DNAH3: variants seen among roughly 807,000 people sequenced by gnomAD.
DNAH3 encodes dynein axonemal heavy chain 3.
A neutral mutation model predicts 432.5 loss-of-function variants in DNAH3; 332 were observed. That is an observed-to-expected ratio of 0.77 (90% CI 0.70 to 0.84). The LOEUF (loss-of-function observed/expected upper bound fraction) is 0.84, where lower values mean the gene tolerates loss of function less well. Ranked by LOEUF, DNAH3 falls within the 40% of genes least tolerant of loss-of-function variation. DNAH3 has a pLI of 0.00. For missense variants in DNAH3, 4,861 were observed against 5,114.0 expected (o/e 0.95, Z 1.51); for synonymous variants, 1,956 against 1,900.2 (o/e 1.03, Z -0.76).
At chr16:21,048,364 G>C (rs2089804644) in intron 31 of DNAH3, among the ~76,000 whole-genome samples, 1 of 152,220 alleles carries the variant, frequency 6.6e-6, no homozygotes, top group African/African-American at 2.4e-5. Context: ...CCAGGTGCAG[G>C]ATATAATCTC....
At chr16:21,068,328 G>GC (rs2090649246) in intron 23 of DNAH3, among the ~76,000 whole-genome samples, 1 of 81,370 alleles carries the variant, frequency 1.2e-5, no homozygotes, top group East Asian at 9.6e-4. Flanking sequence ...TTTTGGGTGG[G>GC]GGGGGGGACA....
exon 15 of DNAH3, chr16:21,106,671 A>G: frequency 6.7e-7 from 1 of 1,486,204 alleles, no homozygotes; most frequent in Non-Finnish European, 9.1e-7. Flanking sequence ...ACTGATTACA[A>G]ATGCTACAGA....
chr16:21,064,876 T>C (rs1314272263), intron 24 of DNAH3, among the ~76,000 whole-genome samples: 1 of 150,120 alleles, frequency 6.7e-6, no homozygotes, highest in Non-Finnish European at 1.5e-5. Context: ...TGTGTGTGTG[T>C]GTGTGTGTGT....
At chr16:20,982,571 A>T in intron 49 of DNAH3, 150 bp downstream of exon 49, 2 of 619,028 alleles carry the variant, frequency 3.2e-6, no homozygotes, top group Non-Finnish European at 5.4e-6. Context: ...ATGCTTTATT[A>T]AATATCTAAC....
chr16:21,029,791 T>C (rs1165284698), intron 37 of DNAH3, among the ~76,000 whole-genome samples: 1 of 152,234 alleles, frequency 6.6e-6, no homozygotes, highest in East Asian at 1.9e-4. Context: ...TGAGCTGTGT[T>C]GTGTTGGGCA....
intron 24 of DNAH3, among the ~76,000 whole-genome samples, chr16:21,066,028 T>C (rs1444360207): frequency 6.6e-6 from 1 of 152,076 alleles, no homozygotes; most frequent in African/African-American, 2.4e-5. Context: ...GGTTTCAACA[T>C]GTTGGCCAGG....
chr16:21,039,500 G>T (rs1048022199), intron 33 of DNAH3, among the ~76,000 whole-genome samples: 4 of 152,026 alleles, frequency 2.6e-5, no homozygotes, highest in African/African-American at 9.7e-5. Flanking sequence ...TTACAGACGT[G>T]AGCCACCACA....
intron 14 of DNAH3, 112 bp downstream of exon 14, chr16:21,111,514 C>T: frequency 1.8e-6 from 2 of 1,116,260 alleles, no homozygotes; most frequent in Non-Finnish European, 2.6e-6. Context: ...GCAGAAAAAA[C>T]TTGATCTAGA....
intron 55 of DNAH3, 129 bp from the exon 56 acceptor site, chr16:20,952,678 C>A (rs532924294): frequency 1.6e-6 from 1 of 638,306 alleles, no homozygotes; most frequent in Non-Finnish European, 2.9e-6. Flanking sequence ...TATCAAGCAC[C>A]GAGGCCAACT....
At chr16:20,958,140 A>T (rs570999171) in intron 54 of DNAH3, among the ~76,000 whole-genome samples, 1 of 148,976 alleles carries the variant, frequency 6.7e-6, no homozygotes, top group African/African-American at 2.5e-5. Flanking sequence ...TGGTGTGATC[A>T]CTGCTCACTG....
chr16:20,963,685 C>A (rs1357854108), exon 53 of DNAH3: 1 of 1,613,976 alleles, frequency 6.2e-7, no homozygotes, highest in Middle Eastern at 1.6e-4. Context: ...CAGTGCGATG[C>A]CTCCAGTGAG....
chr16:21,070,228 C>A (rs1265388728), intron 22 of DNAH3, among the ~76,000 whole-genome samples: 1 of 152,166 alleles, frequency 6.6e-6, no homozygotes, highest in Non-Finnish European at 1.5e-5. Flanking sequence ...GCTCAGCATG[C>A]CATATGCTTT....
At chr16:21,023,264 C>G in intron 39 of DNAH3, among the ~76,000 whole-genome samples, 1 of 152,186 alleles carries the variant, frequency 6.6e-6, no homozygotes, top group East Asian at 1.9e-4. Context: ...ACTAATTGCA[C>G]GGTAGTAGTG....
intron 33 of DNAH3, among the ~76,000 whole-genome samples, chr16:21,038,410 G>A (rs1315066124): frequency 1.3e-5 from 2 of 152,188 alleles, no homozygotes; most frequent in Admixed American, 6.5e-5. Context: ...CCAGCTACTC[G>A]GAAGGCTAAG....
At chr16:21,133,437 T>C (rs1448880741) in intron 7 of DNAH3, among the ~76,000 whole-genome samples, 3 of 149,134 alleles carry the variant, frequency 2.0e-5, no homozygotes, top group Non-Finnish European at 4.4e-5. Flanking sequence ...AATAAGTAAA[T>C]GTTCTATTAT....
chr16:21,109,839 A>G (rs557270781), intron 14 of DNAH3, among the ~76,000 whole-genome samples: 52 of 152,068 alleles, frequency 3.4e-4, no homozygotes, highest in Admixed American at 1.4e-3. Flanking sequence ...CTGGGGCTCA[A>G]GTGATCCTCT....
chr16:20,969,319 T>C (rs1162647547), intron 52 of DNAH3, among the ~76,000 whole-genome samples: 1 of 152,164 alleles, frequency 6.6e-6, no homozygotes, highest in Non-Finnish European at 1.5e-5. Flanking sequence ...CATGCATGCA[T>C]GCGTGTATAG....
chr16:21,020,683 C>T (rs896072746), intron 40 of DNAH3, among the ~76,000 whole-genome samples: 1 of 151,762 alleles, frequency 6.6e-6, no homozygotes, highest in Admixed American at 6.6e-5. Flanking sequence ...GAATTACAAG[C>T]GTGAGAGACC....
intron 50 of DNAH3, among the ~76,000 whole-genome samples, chr16:20,976,004 C>T (rs1019485011): frequency 3.9e-5 from 6 of 152,098 alleles, no homozygotes; most frequent in Non-Finnish European, 7.4e-5. Context: ...CTTAGCCTCC[C>T]GAAGTGCTGG....
Sources: gnomAD v4.1 joint callset for allele counts (sites outside exome capture counted in the v4.1 genomes callset) on GRCh38, gnomAD v4.1.1 for gene constraint, MANE v1.5 for transcripts, NCBI Gene and HGNC (gene_info 2026-07-23, HGNC 2026-07-21) for gene names.